The following CDH12 variants were observed in gnomAD, a reference collection of about 807,000 sequenced individuals.
The protein encoded by CDH12 is cadherin 12, also known as cadherin-12.
Under a neutral mutation model 74.1 loss-of-function variants are expected in CDH12, and 41 were observed. The observed-to-expected ratio is 0.55, with a 90% CI of 0.43 to 0.72. The LOEUF is 0.72. Among genes scored for constraint, CDH12 ranks in the 30% least tolerant of loss-of-function variants. CDH12 has a pLI of 0.00. For synonymous variants in CDH12, 399 were observed against 355.0 expected (o/e 1.12, Z -1.39); for missense variants, 945 against 977.2 (o/e 0.97, Z 0.44).
At chr5:22,153,931 CAT>C (rs1292852316) in intron 4 of CDH12, among the ~76,000 whole-genome samples, 366 of 137,948 alleles carry the variant, frequency 2.7e-3, no homozygotes, top group African/African-American at 9.1e-3. Context: ...CACACACAAA[CAT>C]ATATATGTAT....
chr5:22,791,286 T>C (rs1747892128), intron 1 of CDH12, among the ~76,000 whole-genome samples: 1 of 152,086 alleles, frequency 6.6e-6, no homozygotes, highest in South Asian at 2.1e-4. Context: ...GAAAAATAGA[T>C]TGTAAGCCTG....
intron 3 of CDH12, among the ~76,000 whole-genome samples, chr5:22,251,473 T>G (rs1753128369): frequency 6.6e-6 from 1 of 152,206 alleles, no homozygotes; most frequent in South Asian, 2.1e-4. Context: ...CAGGAAATTT[T>G]TCTTATCTCT....
chr5:22,042,654 A>C (rs2150184715), intron 5 of CDH12, among the ~76,000 whole-genome samples: 1 of 152,202 alleles, frequency 6.6e-6, no homozygotes, highest in East Asian at 1.9e-4. Flanking sequence ...GGGAGGCCAA[A>C]GTGGGAGAAT....
intron 6 of CDH12, among the ~76,000 whole-genome samples, chr5:21,872,250 C>T (rs553686967): frequency 1.3e-5 from 2 of 152,286 alleles, no homozygotes; most frequent in African/African-American, 4.8e-5. Context: ...CAGAAGCACT[C>T]TAACGTTATA....
rs1023224816 is a variant in CDH12, at chr5:22,734,592, G to A, written c.-523+118466C>T. ...AAAGACTTATTTTTGAAACTCTACA[G>A]CATACTTTATACCCAACTTCTTCTC... On this transcript the variant is annotated intron_variant, in intron 1 of 14. Transcript: ENST00000382254. Among the ~76,000 whole-genome samples, 4 of 151,872 alleles carry A rather than the reference G, an allele frequency of 2.6e-5. No individual in the cohort carries two copies. In the Admixed American group the frequency reaches 2.6e-4, roughly 10 times the overall value.
chr5:22,761,521 C>T (rs554003561), intron 1 of CDH12, among the ~76,000 whole-genome samples: 2 of 152,076 alleles, frequency 1.3e-5, no homozygotes, highest in African/African-American at 4.8e-5. Context: ...TAAATATAAG[C>T]AGTAACGTCT....
Position 22,841,010 on chromosome 5 carries a change from G to A in CDH12, c.-523+12048C>T, listed in dbSNP as rs527461640. 1.1e-4 allele frequency among the ~76,000 whole-genome samples: 17 copies of A among 151,964 alleles called. No individual in the cohort carries two copies. The South Asian group carries it at 3.3e-3, about 30-fold the overall frequency. On this transcript the variant is annotated intron_variant, in intron 1 of 14. Coordinates refer to ENST00000382254, the MANE Select transcript of CDH12 (RefSeq NM_004061.5). The stretch of plus-strand genomic sequence containing the variant: ...AAACGGATCAGAAATAAAATGAGGC[G>A]GCACAGACTACACAGACACTTGGTA...
chr5:22,820,113 A>T (rs1236675752), intron 1 of CDH12, among the ~76,000 whole-genome samples: 1 of 150,890 alleles, frequency 6.6e-6, no homozygotes, highest in Non-Finnish European at 1.5e-5. Flanking sequence ...CAGAAATTTC[A>T]TTAAAAAAAT....
intron 1 of CDH12, among the ~76,000 whole-genome samples, chr5:22,648,630 C>G (rs905623065): frequency 6.6e-6 from 1 of 151,770 alleles, no homozygotes; most frequent in Non-Finnish European, 1.5e-5. Flanking sequence ...AAATATATTT[C>G]TTATAGACAC....
chr5:22,513,622 G>A (rs1306936645), intron 1 of CDH12, among the ~76,000 whole-genome samples: 1 of 152,066 alleles, frequency 6.6e-6, no homozygotes, highest in African/African-American at 2.4e-5. Flanking sequence ...GCTAAAATTT[G>A]CAATATAGAA....
At chr5:21,949,678 T>TAAC (rs1193296937) in intron 6 of CDH12, among the ~76,000 whole-genome samples, 1 of 151,962 alleles carries the variant, frequency 6.6e-6, no homozygotes, top group Non-Finnish European at 1.5e-5. Flanking sequence ...TCTTTGTTTT[T>TAAC]AACAACAACA....
At chr5:22,576,814 A>C (rs1282535089) in intron 1 of CDH12, among the ~76,000 whole-genome samples, 2 of 152,146 alleles carry the variant, frequency 1.3e-5, no homozygotes, top group Non-Finnish European at 2.9e-5. Flanking sequence ...GGGAGTAGAG[A>C]CATGGTAAAT....
chr5:22,029,511 A>C (rs1411748442), intron 5 of CDH12, among the ~76,000 whole-genome samples: 1 of 150,878 alleles, frequency 6.6e-6, no homozygotes, highest in African/African-American at 2.4e-5. Flanking sequence ...CACATGAAAA[A>C]ATGCTCATCA....
chr5:21,919,773 CTATT>C (rs1754269257), intron 6 of CDH12, among the ~76,000 whole-genome samples: 1 of 152,102 alleles, frequency 6.6e-6, no homozygotes, highest in Non-Finnish European at 1.5e-5. Context: ...ATTGTAGTTA[CTATT>C]TAAAGATCAT....
At chr5:22,793,353 C>T (rs187315236) in intron 1 of CDH12, among the ~76,000 whole-genome samples, 5 of 152,276 alleles carry the variant, frequency 3.3e-5, no homozygotes, top group Admixed American at 6.5e-5. Flanking sequence ...ATATACTGTG[C>T]CTTCCTGCTT....
chr5:21,754,660 A>G lies in CDH12; in HGVS notation c.1885+931T>C, dbSNP rs551280060. Among the ~76,000 whole-genome samples the G allele has an allele frequency of 2.6e-5, 4 of 152,148 alleles. No individual in the cohort carries two copies. In the South Asian group the frequency reaches 8.3e-4, roughly 32 times the overall value. ...GTTACTCCGTGCCTTTCATCTCACT[A>G]ATTATTTTTTTTTCTTTCCTAGAGA... On this transcript the variant is annotated intron_variant, in intron 14 of 14. Transcript: ENST00000382254.
chr5:21,803,790 C>T (rs1454587124), intron 9 of CDH12, among the ~76,000 whole-genome samples: 1 of 152,118 alleles, frequency 6.6e-6, no homozygotes, highest in Non-Finnish European at 1.5e-5. Flanking sequence ...GTGTCAGTAC[C>T]TGTTCCTTTA....
intron 3 of CDH12, among the ~76,000 whole-genome samples, chr5:22,214,277 C>T (rs2150364993): frequency 6.6e-6 from 1 of 152,198 alleles, no homozygotes; most frequent in South Asian, 2.1e-4. Flanking sequence ...AGGTCTCTTG[C>T]TCCCTCAGCT....
chr5:22,735,419 A>T (rs1274070271), intron 1 of CDH12, among the ~76,000 whole-genome samples: 9 of 151,932 alleles, frequency 5.9e-5, no homozygotes, highest in Non-Finnish European at 1.3e-4. Context: ...GAGAAAAATT[A>T]TATTTACATA....
Sources: gnomAD v4.1 joint callset for allele counts (sites outside exome capture counted in the v4.1 genomes callset) on GRCh38, gnomAD v4.1.1 for gene constraint, MANE v1.5 for transcripts, NCBI Gene and HGNC (gene_info 2026-07-23, HGNC 2026-07-21) for gene names.